The following GALNT7 variants were observed in gnomAD, a reference collection of about 807,000 sequenced individuals.
GALNT7 encodes the protein N-acetylgalactosaminyltransferase 7.
Under a neutral mutation model 82.1 loss-of-function variants are expected in GALNT7, and 60 were observed. The ratio of observed to expected loss-of-function variants is 0.73; its 90% CI spans 0.59 to 0.91. GALNT7 has a LOEUF of 0.91. Among genes scored for constraint, GALNT7 ranks in the 40% least tolerant of loss-of-function variants. GALNT7 has a pLI of 0.00. For synonymous variants in GALNT7, 243 were observed against 275.1 expected (o/e 0.88, Z 1.15); for missense variants, 660 against 804.2 (o/e 0.82, Z 2.17).
intron 2 of GALNT7, among the ~76,000 whole-genome samples, chr4:173,266,128 C>T (rs546013889): frequency 6.6e-6 from 1 of 152,224 alleles, no homozygotes; most frequent in East Asian, 1.9e-4. Context: ...GGCCTAGTGG[C>T]GTGCGGCCAT....
intron 1 of GALNT7, among the ~76,000 whole-genome samples, chr4:173,178,007 C>CTGTGTGTG (rs70944437): frequency 3.0e-4 from 41 of 137,770 alleles, no homozygotes; most frequent in African/African-American, 9.4e-4. Flanking sequence ...ATCCGCAAGT[C>CTGTGTGTG]TGTGTGTGTG....
chr4:173,285,852 C>T (rs576881637), intron 2 of GALNT7, among the ~76,000 whole-genome samples: 1 of 152,258 alleles, frequency 6.6e-6, no homozygotes, highest in South Asian at 2.1e-4. Flanking sequence ...CCTCTAATTC[C>T]AGGGGTTCCA....
intron 1 of GALNT7, among the ~76,000 whole-genome samples, chr4:173,173,188 A>G (rs1321095114): frequency 1.3e-5 from 2 of 152,124 alleles, no homozygotes; most frequent in Non-Finnish European, 1.5e-5. Flanking sequence ...CATTATGGAA[A>G]GTTCTCAAAG....
intron 2 of GALNT7, among the ~76,000 whole-genome samples, chr4:173,253,724 G>C (rs1311994456): frequency 6.6e-6 from 1 of 152,166 alleles, no homozygotes; most frequent in African/African-American, 2.4e-5. Flanking sequence ...AGGCTGGTTA[G>C]GATAGAACAG....
At chr4:173,214,126 C>T (rs1047956037) in intron 1 of GALNT7, among the ~76,000 whole-genome samples, 3 of 152,092 alleles carry the variant, frequency 2.0e-5, no homozygotes, top group Non-Finnish European at 2.9e-5. Context: ...GGAAATAACA[C>T]ACAACCCAGT....
At chr4:173,222,108 A>C (rs1468706433) in intron 1 of GALNT7, among the ~76,000 whole-genome samples, 1 of 152,208 alleles carries the variant, frequency 6.6e-6, no homozygotes, top group East Asian at 1.9e-4. Flanking sequence ...TCACTGAGTC[A>C]TGCTAGGCCA....
intron 1 of GALNT7, among the ~76,000 whole-genome samples, chr4:173,196,872 C>T (rs1732794760): frequency 6.6e-6 from 1 of 152,090 alleles, no homozygotes; most frequent in South Asian, 2.1e-4. Context: ...GTAATAAGGG[C>T]CTAACCTCAG....
intron 1 of GALNT7, among the ~76,000 whole-genome samples, chr4:173,184,911 G>A (rs1732420345): frequency 1.3e-5 from 2 of 152,142 alleles, no homozygotes; most frequent in Admixed American, 1.3e-4. Context: ...CCATATTTAA[G>A]TGGTAAAAAA....
At chr4:173,169,261 G>A (rs1731758975) in intron 1 of GALNT7, 1 of 148,462 alleles carries the variant, frequency 6.7e-6, no homozygotes, top group African/African-American at 2.4e-5. Context: ...CGCCGGGACT[G>A]CGGGCGGAGC....
chr4:173,194,974 A>C (rs1372523600), intron 1 of GALNT7, among the ~76,000 whole-genome samples: 1 of 152,206 alleles, frequency 6.6e-6, no homozygotes, highest in African/African-American at 2.4e-5. Flanking sequence ...AGATTTTCTT[A>C]GCTAAATTTC....
At chr4:173,248,649 G>A (rs1051630444) in intron 2 of GALNT7, among the ~76,000 whole-genome samples, 18 of 152,200 alleles carry the variant, frequency 1.2e-4, no homozygotes, top group African/African-American at 4.1e-4. Context: ...AAATTCTGGG[G>A]CCCTCTACGT....
chr4:173,288,301 A>AAAAAAAAAAAAAAAG (rs1289159201), intron 2 of GALNT7, among the ~76,000 whole-genome samples: 7 of 148,350 alleles, frequency 4.7e-5, no homozygotes, highest in African/African-American at 1.8e-4. Flanking sequence ...AAAAAAAAAA[A>AAAAAAAAAAAAAAAG]AAAAGAAAAG....
chr4:173,294,274 C>CT (rs368722746), intron 3 of GALNT7, among the ~76,000 whole-genome samples: 7,101 of 139,126 alleles, frequency 0.051, 248 homozygotes, highest in Middle Eastern at 0.086. Flanking sequence ...AGGATAAAGG[C>CT]TTTTTTTTTT....
intron 1 of GALNT7, among the ~76,000 whole-genome samples, chr4:173,221,293 A>G (rs1300368921): frequency 6.6e-6 from 1 of 152,194 alleles, no homozygotes; most frequent in Non-Finnish European, 1.5e-5. Context: ...GGCTGCATAA[A>G]TGTCTTCTAT....
At chr4:173,266,469 G>A (rs1449438017) in intron 2 of GALNT7, among the ~76,000 whole-genome samples, 2 of 152,188 alleles carry the variant, frequency 1.3e-5, no homozygotes, top group African/African-American at 2.4e-5. Context: ...AAAAGAGCAC[G>A]AAAGTGTGTT....
Position 173,312,761 on chromosome 4 carries a change from A to G in GALNT7, c.1390-1197A>G, listed in dbSNP as rs180824523. 3.4e-3 allele frequency among the ~76,000 whole-genome samples: 518 copies of G among 152,344 alleles called. 4 individuals are homozygous for G. In the South Asian group the frequency reaches 0.039, roughly 11 times the overall value. Reference sequence around the variant, plus strand: ...TATTGCTCTATAGCTGCTTTTTCTTAAAGTGAACCAACTGGGGTCGGGGGC... The same window carrying G: ...TATTGCTCTATAGCTGCTTTTTCTTGAAGTGAACCAACTGGGGTCGGGGGC... On this transcript the variant is annotated intron_variant, in intron 8 of 11. Transcript: ENST00000265000.
At chr4:173,295,595 T>A in intron 4 of GALNT7, 69 bp downstream of exon 4, 1 of 1,465,140 alleles carries the variant, frequency 6.8e-7, no homozygotes, top group Non-Finnish European at 9.5e-7. Context: ...ACATTTTTAA[T>A]CATTCTTCAG....
chr4:173,318,011 C>T (rs1319245252), intron 10 of GALNT7, among the ~76,000 whole-genome samples: 2 of 152,218 alleles, frequency 1.3e-5, no homozygotes, highest in African/African-American at 2.4e-5. Context: ...TTGTCACTAC[C>T]GTAACTATGT....
At chr4:173,189,049 T>C (rs1210622860) in intron 1 of GALNT7, among the ~76,000 whole-genome samples, 1 of 152,234 alleles carries the variant, frequency 6.6e-6, no homozygotes, top group Non-Finnish European at 1.5e-5. Flanking sequence ...GAACCCCGGT[T>C]GAGACCTGCA....
Sources: allele counts gnomAD v4.1 joint callset (sites outside exome capture counted in the v4.1 genomes callset), GRCh38; gene constraint gnomAD v4.1.1; transcripts MANE v1.5; gene names NCBI Gene and HGNC (gene_info 2026-07-23, HGNC 2026-07-21).